The following TSPAN32 variants were observed in gnomAD, a reference collection of about 807,000 sequenced individuals.
TSPAN32 encodes the protein tetraspanin 32, also known as tetraspanin-32.
TSPAN32 carries 47 observed loss-of-function variants against 42.7 expected under a neutral mutation model. The observed-to-expected ratio is 1.10, with a 90% confidence interval of 0.87 to 1.40. The LOEUF (loss-of-function observed/expected upper bound fraction) is 1.40, where lower values mean the gene tolerates loss of function less well. Among genes scored for constraint, TSPAN32 ranks in the 40% most tolerant of loss-of-function variants. The probability of loss-of-function intolerance (pLI) is 0.00; values close to 1 mark genes in which losing one functional copy is unlikely to be tolerated. For missense variants in TSPAN32, 469 were observed against 424.1 expected, an observed-to-expected ratio of 1.11 and a Z score of -0.93; for synonymous variants, 175 against 175.9, an observed-to-expected ratio of 0.99 and a Z score of 0.04.
Position 2,316,224 on chromosome 11 carries a change from C to A in TSPAN32, c.544-5C>A. On this transcript the variant is annotated splice_region_variant and splice_polypyrimidine_tract_variant and intron_variant, in intron 6 of 9. Coordinates refer to ENST00000182290, the MANE Select transcript of TSPAN32 (RefSeq NM_139022.3). The stretch of plus-strand genomic sequence containing the variant: ...GCGGGTACCATGCCTGCTGCCCTCT[C>A]ACAGGACTGCCTTCAGGGCATCCGG... 1.3e-6 allele frequency: 2 copies of A among 1,570,348 alleles called. No homozygotes were observed. The highest frequency in any genetic ancestry group is 2.7e-5 in the African/African-American group (2 of 74,230).
In TSPAN32 at chr11:2,317,277, C is replaced by A; in HGVS notation, c.720-67C>A. The A allele has an allele frequency of 7.6e-7, 1 of 1,319,322 alleles. No individual in the cohort carries two copies. The highest frequency in any genetic ancestry group is 1.1e-6 in the Non-Finnish European group (1 of 945,784). The allele number at this position is 1,319,322 out of a possible 1,614,324, so 81.7% of individuals were successfully genotyped here. A position where few individuals can be genotyped will look rare whatever the true frequency, so the allele number is the denominator to read the frequency against. ...GCCCCATGATCCCCTCTAGAACATT[C>A]CACAATAGCCTCACAGGTCCCCTGT... On this transcript the variant is annotated intron_variant, in intron 8 of 9. Coordinates refer to ENST00000182290, the MANE Select transcript of TSPAN32 (RefSeq NM_139022.3). This position sits in a 1 kb window ranked among gnomAD's most constrained non-coding sequence, Gnocchi z 6.2.
At chr11:2,306,703 G>T (rs1848110765) in intron 3 of TSPAN32, among the ~76,000 whole-genome samples, 1 of 151,158 alleles carries the variant, frequency 6.6e-6, no homozygotes. Context: ...AGATGGGGAT[G>T]GTGGCCCTCA....
At position 2,306,224 on chromosome 11, in the gene TSPAN32, T is replaced by G. The variant is rs144670371; in HGVS notation, c.279+2020T>G. On this transcript the variant is annotated intron_variant, in intron 3 of 9. Coordinates refer to ENST00000182290, the MANE Select transcript of TSPAN32 (RefSeq NM_139022.3). Reference sequence around the variant, plus strand: ...CAGGGAGTGGAAAGATTTTTTCCAATGGGCTGGGCGCCTGGATGCTCCCCA... The same window carrying G: ...CAGGGAGTGGAAAGATTTTTTCCAAGGGGCTGGGCGCCTGGATGCTCCCCA... Among the ~76,000 whole-genome samples the G allele has an allele frequency of 4.0e-3, 610 of 152,186 alleles. 2 individuals are homozygous for G. Among genetic ancestry groups the G allele is most frequent in the Admixed American group, 7.8e-3 (120 of 15,288 alleles).
At chr11:2,315,198 C>G (rs990856910) in intron 6 of TSPAN32, 2 of 1,129,120 alleles carry the variant, frequency 1.8e-6, no homozygotes, top group South Asian at 3.4e-5. Flanking sequence ...CTCCCCTCCC[C>G]GCTCCCCTCC....
chr11:2,302,271 G>A, intron 1 of TSPAN32, 56 bp downstream of exon 1: 3 of 1,339,302 alleles, frequency 2.2e-6, no homozygotes, highest in Non-Finnish European at 2.9e-6. Flanking sequence ...AGGGGTGAGG[G>A]GTGGCAGGGC....
chr11:2,315,362 A>T lies in TSPAN32; in HGVS notation c.543+791A>T. ...GAGGGCAGAAGGGCTGGCGCTGAGG[A>T]TGGTGCTGGGGAGGGACCAGCGGCA... On this transcript the variant is annotated intron_variant, in intron 6 of 9. Coordinates refer to ENST00000182290, the MANE Select transcript of TSPAN32 (RefSeq NM_139022.3). The T allele has an allele frequency of 2.6e-6, 3 of 1,155,570 alleles. No individual in the cohort carries two copies. In the South Asian group the frequency reaches 5.2e-5, roughly 20 times the overall value. 71.6% of individuals were successfully genotyped at this position (1,155,570 alleles called of 1,614,324 possible). A position where few individuals can be genotyped will look rare whatever the true frequency, so the allele number is the denominator to read the frequency against.
intron 3 of TSPAN32, among the ~76,000 whole-genome samples, chr11:2,305,514 G>A (rs936459957): frequency 1.3e-5 from 2 of 152,230 alleles, no homozygotes; most frequent in Non-Finnish European, 2.9e-5. Flanking sequence ...GTCCACCAGG[G>A]GGTGCCATGG....
rs1848625239 is a variant in TSPAN32, at chr11:2,313,890, C to T, written c.456+135C>T. The T allele has an allele frequency of 5.5e-6, 4 of 729,072 alleles. No individual in the cohort carries two copies. The highest frequency in any genetic ancestry group is 1.8e-5 in the South Asian group (1 of 54,638). 45.2% of individuals were successfully genotyped at this position (729,072 alleles called of 1,614,324 possible). A position where few individuals can be genotyped will look rare whatever the true frequency, so the allele number is the denominator to read the frequency against. ...TTCCAGGACACAGGCCAGAGTTGCC[C>T]CTCAGGGCTGGGGGCAAAAAGCTCC... On this transcript the variant is annotated intron_variant, in intron 5 of 9. Coordinates refer to ENST00000182290, the MANE Select transcript of TSPAN32 (RefSeq NM_139022.3). The surrounding 1 kb of genome is among the most constrained non-coding windows in gnomAD (Gnocchi z 9.1).
chr11:2,306,720 AAGGAGG>A (rs900154459), intron 3 of TSPAN32, among the ~76,000 whole-genome samples: 2 of 149,636 alleles, frequency 1.3e-5, no homozygotes, highest in African/African-American at 4.9e-5. Flanking sequence ...CTCAGCCAGC[AAGGAGG>A]AGGAGGAGGA....
intron 2 of TSPAN32, chr11:2,303,580 C>T (rs77393310): frequency 0.041 from 6,785 of 164,720 alleles, 483 homozygotes; most frequent in African/African-American, 0.15. Context: ...GGCTGCAGCC[C>T]GGTGGGCAGA....
At chr11:2,316,689 C>CA in intron 8 of TSPAN32, 22 bp downstream of exon 8, 1 of 1,517,210 alleles carries the variant, frequency 6.6e-7, no homozygotes, top group African/African-American at 1.4e-5. Flanking sequence ...TGCCTGCCCC[C>CA]ACACCCTCTG....
chr11:2,304,789 T>C lies in TSPAN32; in HGVS notation c.279+585T>C. 6.8e-6 allele frequency among the ~76,000 whole-genome samples: 1 copy of C among 147,664 alleles called. No individual in the cohort carries two copies. Among genetic ancestry groups the C allele is most frequent in the Admixed American group, 6.7e-5 (1 of 14,868 alleles). Reference sequence around the variant, plus strand: ...GGCCTCTTGTCACCCTCATTCCTACTCCTCCCCATGGGCTTCTGTCTTGGT... The same window carrying C: ...GGCCTCTTGTCACCCTCATTCCTACCCCTCCCCATGGGCTTCTGTCTTGGT... On this transcript the variant is annotated intron_variant, in intron 3 of 9. Coordinates refer to ENST00000182290, the MANE Select transcript of TSPAN32 (RefSeq NM_139022.3). This position sits in a 1 kb window ranked among gnomAD's most constrained non-coding sequence, Gnocchi z 4.8.
At position 2,317,841 on chromosome 11, in the gene TSPAN32, G is replaced by C. The variant is rs1351778469; in HGVS notation, c.902-22G>C. On this transcript the variant is annotated intron_variant, in intron 9 of 9. Transcript: ENST00000182290. This position sits in a 1 kb window ranked among gnomAD's most constrained non-coding sequence, Gnocchi z 6.2. Reference sequence around the variant, plus strand: ...AGCATGGATGTAAGGACTGCAAGCAGTGCCCATTTATGATCTCGCAGCTCT... The same window carrying C: ...AGCATGGATGTAAGGACTGCAAGCACTGCCCATTTATGATCTCGCAGCTCT... The C allele has an allele frequency of 6.3e-7, 1 of 1,599,610 alleles. No individual in the cohort carries two copies. The highest frequency in any genetic ancestry group is 8.6e-7 in the Non-Finnish European group (1 of 1,167,822).
At position 2,317,948 on chromosome 11, in the gene TSPAN32, T is replaced by G; in HGVS notation, c.*24T>G. 1.1e-6 allele frequency: 1 copy of G among 880,318 alleles called. No individual in the cohort carries two copies. Among genetic ancestry groups the G allele is most frequent in the Non-Finnish European group, 2.0e-6 (1 of 512,548 alleles). 54.5% of individuals were successfully genotyped at this position (880,318 alleles called of 1,614,324 possible). A position where few individuals can be genotyped will look rare whatever the true frequency, so the allele number is the denominator to read the frequency against. On this transcript the variant is annotated 3_prime_UTR_variant, in exon 10 of 10. Coordinates refer to ENST00000182290, the MANE Select transcript of TSPAN32 (RefSeq NM_139022.3). This position sits in a 1 kb window ranked among gnomAD's most constrained non-coding sequence, Gnocchi z 6.2. ...GACGTCAGGCCTTGGTGGGCTGCAC[T>G]CTCACCTGGAGGCTCCGGGGAAGCA...
intron 4 of TSPAN32, chr11:2,309,955 C>T (rs1040272682): frequency 6.5e-6 from 1 of 153,320 alleles, no homozygotes; most frequent in African/African-American, 2.4e-5. Context: ...GGAGGAACCG[C>T]CTGAACCAGG....
At position 2,304,628 on chromosome 11, in the gene TSPAN32, C is replaced by T. The variant is rs1170733784; in HGVS notation, c.279+424C>T. Among the ~76,000 whole-genome samples the T allele has an allele frequency of 1.3e-5, 2 of 152,054 alleles. No homozygotes were observed. Among genetic ancestry groups the T allele is most frequent in the Non-Finnish European group, 2.9e-5 (2 of 67,996 alleles). On this transcript the variant is annotated intron_variant, in intron 3 of 9. Coordinates refer to ENST00000182290, the MANE Select transcript of TSPAN32 (RefSeq NM_139022.3). The surrounding 1 kb of genome is among the most constrained non-coding windows in gnomAD (Gnocchi z 4.8). ...ATCCCATTTCCTGTTCGGAGGAGGC[C>T]GGGCCAGGCTCAGGAAACGCCCCTT...
Position 2,302,908 on chromosome 11 carries a change from T to C in TSPAN32, c.131T>C (p.Ile44Thr), listed in dbSNP as rs540982577. 8.1e-6 allele frequency: 13 copies of C among 1,613,690 alleles called. No individual in the cohort carries two copies. Among genetic ancestry groups the C allele is most frequent in the South Asian group, 3.3e-5 (3 of 91,076 alleles). ...LTYFGAHFAV[I>T]RRASLEKNPY... ...TACTTCGGGGCCCACTTTGCTGTCA[T>C]CCGCCGAGCGTCCCTGGAGAAGAAC... The change falls in exon 2 of 10, where the codon ATC (isoleucine) becomes ACC (threonine). Residue 44 changes from isoleucine to threonine, a missense_variant. Ile to Thr is a moderately conservative substitution (Grantham distance 89). Transcript: ENST00000182290.
rs1004861420 is a variant in TSPAN32, at chr11:2,316,290, C to T, written c.605C>T (p.Thr202Ile). The T allele has an allele frequency of 1.9e-6, 3 of 1,602,340 alleles. No homozygotes were observed. The highest frequency in any genetic ancestry group is 2.7e-5 in the African/African-American group (2 of 74,782). ...CACCAGCAGGTCGCCTCCAGCCTGA[C>T]CAGCATCGGCCTGGCCCTCACGGTA... ...RTHQQVASSL[T>I]SIGLALTVSA... The change falls in exon 7 of 10, where the codon ACC (threonine) becomes ATC (isoleucine). Residue 202 changes from threonine to isoleucine, a missense_variant. Physicochemically the swap from Thr to Ile is moderately conservative, Grantham distance 89. Transcript: ENST00000182290.
Position 2,304,175 on chromosome 11 carries a change from G to T in TSPAN32, c.250G>T (p.Val84Leu), listed in dbSNP as rs545681469. ...LGAVLSAAAT[V>L]REAQGLMAGG... ...AGCCGTGCTGAGCGCTGCAGCCACC[G>T]TGAGGGAGGCCCAGGGCCTCATGGC... The change falls in exon 3 of 10, where the codon GTG becomes TTG. Residue 84 changes from valine (V) to leucine (L), a missense_variant. By Grantham distance (32) the Val-to-Leu change is conservative. Transcript: ENST00000182290. The surrounding 1 kb of genome is among the most constrained non-coding windows in gnomAD (Gnocchi z 4.8). 7 of 1,585,620 alleles carry T rather than the reference G, an allele frequency of 4.4e-6. No individual in the cohort carries two copies.
Sources: allele counts gnomAD v4.1 joint callset (sites outside exome capture counted in the v4.1 genomes callset), GRCh38; gene constraint gnomAD v4.1.1; non-coding constraint Gnocchi (gnomAD v3.1); transcripts MANE v1.5; gene names NCBI Gene and HGNC (gene_info 2026-07-23, HGNC 2026-07-21).